Variants in MCTP1 observed in about 807,000 individuals in gnomAD.
The protein encoded by MCTP1 is multiple C2 and transmembrane domain containing 1, also known as multiple C2 and transmembrane domain-containing protein 1.
In MCTP1, 69 loss-of-function variants were observed where a neutral mutation model predicts 120.6. That is an observed-to-expected ratio of 0.57 (90% CI 0.47 to 0.70). The LOEUF (loss-of-function observed/expected upper bound fraction) is 0.70, where lower values mean the gene tolerates loss of function less well. Among genes scored for constraint, MCTP1 ranks in the 30% least tolerant of loss-of-function variants. The pLI is 0.00. For synonymous variants in MCTP1, 529 were observed against 493.1 expected (o/e 1.07, Z -0.96); for missense variants, 1,203 against 1,248.8 (o/e 0.96, Z 0.55).
At chr5:95,252,794 T>G (rs1408254006) in intron 1 of MCTP1, among the ~76,000 whole-genome samples, 2 of 152,134 alleles carry the variant, frequency 1.3e-5, no homozygotes, top group Non-Finnish European at 2.9e-5. Flanking sequence ...TAATTCTCAT[T>G]TTTTCTGTCT....
intron 1 of MCTP1, among the ~76,000 whole-genome samples, chr5:95,121,025 T>A (rs1758184233): frequency 1.3e-5 from 2 of 152,072 alleles, no homozygotes; most frequent in South Asian, 4.1e-4. Flanking sequence ...ATGCCTGTAA[T>A]CCTAGCACTT....
intron 1 of MCTP1, among the ~76,000 whole-genome samples, chr5:95,116,499 T>C (rs1246078243): frequency 6.6e-6 from 1 of 152,164 alleles, no homozygotes; most frequent in Admixed American, 6.5e-5. Context: ...TTGCTTAGGA[T>C]TGTCTTGGCT....
intron 1 of MCTP1, among the ~76,000 whole-genome samples, chr5:95,173,516 G>A (rs1184037019): frequency 1.3e-5 from 2 of 152,106 alleles, no homozygotes; most frequent in African/African-American, 2.4e-5. Flanking sequence ...ATAAAGTAAA[G>A]GTTAAACTGC....
intron 1 of MCTP1, among the ~76,000 whole-genome samples, chr5:95,139,920 T>C (rs192374894): frequency 4.6e-5 from 7 of 152,318 alleles, no homozygotes; most frequent in Admixed American, 4.6e-4. Flanking sequence ...AATAAAATGA[T>C]CCAGAGAAGA....
At chr5:95,278,958 G>C (rs144690545) in intron 1 of MCTP1, among the ~76,000 whole-genome samples, 1 of 142,194 alleles carries the variant, frequency 7.0e-6, no homozygotes. Context: ...GCAAAACTCC[G>C]TCTCAAAAAA....
At chr5:94,994,198 G>A (rs1294688778) in intron 2 of MCTP1, among the ~76,000 whole-genome samples, 3 of 152,156 alleles carry the variant, frequency 2.0e-5, no homozygotes, top group African/African-American at 7.2e-5. Flanking sequence ...CTAACCGTAG[G>A]CCTTAGAGAA....
At chr5:95,031,583 A>G (rs567411808) in intron 1 of MCTP1, among the ~76,000 whole-genome samples, 1 of 152,344 alleles carries the variant, frequency 6.6e-6, no homozygotes, top group Admixed American at 6.5e-5. Flanking sequence ...CCAGATGAGC[A>G]AACACTAAGG....
chr5:94,924,421 A>G (rs1017041557), intron 6 of MCTP1, among the ~76,000 whole-genome samples: 1 of 152,182 alleles, frequency 6.6e-6, no homozygotes, highest in African/African-American at 2.4e-5. Context: ...GAATGATTGC[A>G]GAAGTCTTAT....
At chr5:95,150,177 A>C (rs376310871) in intron 1 of MCTP1, among the ~76,000 whole-genome samples, 1 of 152,222 alleles carries the variant, frequency 6.6e-6, no homozygotes, top group Non-Finnish European at 1.5e-5. Flanking sequence ...AAAGTGCAGC[A>C]TCTCTTCCCC....
At chr5:95,038,179 C>A in intron 1 of MCTP1, 1 of 901,466 alleles carries the variant, frequency 1.1e-6, no homozygotes, top group Non-Finnish European at 1.3e-6. Flanking sequence ...TTATTCCTTC[C>A]AGGTATAACT....
chr5:95,154,237 C>A (rs1441265817), intron 1 of MCTP1: 1 of 152,162 alleles, frequency 6.6e-6, no homozygotes, highest in African/African-American at 2.4e-5. Context: ...GAACTAGGCA[C>A]ATACCTGGGG....
At chr5:95,192,879 T>G (rs1244225471) in intron 1 of MCTP1, among the ~76,000 whole-genome samples, 2 of 152,106 alleles carry the variant, frequency 1.3e-5, no homozygotes, top group African/African-American at 4.8e-5. Context: ...GAACATTTCT[T>G]GAGGGAATAG....
intron 17 of MCTP1, among the ~76,000 whole-genome samples, chr5:94,830,583 T>C (rs1226929260): frequency 1.3e-5 from 2 of 152,224 alleles, no homozygotes; most frequent in African/African-American, 4.8e-5. Context: ...TGGTCTTTCA[T>C]GGAATTATGC....
chr5:94,819,175 C>A (rs909130879), intron 17 of MCTP1, among the ~76,000 whole-genome samples: 2 of 152,072 alleles, frequency 1.3e-5, no homozygotes, highest in Non-Finnish European at 2.9e-5. Context: ...GTCACCCAGG[C>A]TGTAGTACAA....
chr5:94,884,464 T>C (rs565971128), intron 12 of MCTP1, among the ~76,000 whole-genome samples: 20 of 152,198 alleles, frequency 1.3e-4, no homozygotes, highest in Non-Finnish European at 2.6e-4. Flanking sequence ...CTCCCTGTCA[T>C]TGTTAAGAGA....
chr5:95,126,558 CCT>C (rs1485523943), intron 1 of MCTP1, among the ~76,000 whole-genome samples: 1 of 152,156 alleles, frequency 6.6e-6, no homozygotes, highest in Non-Finnish European at 1.5e-5. Flanking sequence ...ATAAACACCC[CCT>C]GTGTGCACAC....
chr5:94,991,175 A>C (rs1448269671), intron 2 of MCTP1, among the ~76,000 whole-genome samples: 1 of 152,182 alleles, frequency 6.6e-6, no homozygotes, highest in Non-Finnish European at 1.5e-5. Flanking sequence ...TTTTCTTGTG[A>C]AAAGTTAAAA....
intron 17 of MCTP1, among the ~76,000 whole-genome samples, chr5:94,832,650 C>T (rs988449621): frequency 8.9e-5 from 13 of 146,106 alleles, no homozygotes; most frequent in African/African-American, 3.3e-4. Context: ...ACACACACTT[C>T]CCTACTCCCC....
chr5:94,908,689 A>G (rs1284809028), intron 10 of MCTP1, among the ~76,000 whole-genome samples: 1 of 144,842 alleles, frequency 6.9e-6, no homozygotes, highest in East Asian at 1.9e-4. Context: ...ACTCAAAATA[A>G]CCTTAACTTT....
Sources: allele counts gnomAD v4.1 joint callset (sites outside exome capture counted in the v4.1 genomes callset), GRCh38; gene constraint gnomAD v4.1.1; transcripts MANE v1.5; gene names NCBI Gene and HGNC (gene_info 2026-07-23, HGNC 2026-07-21).